SRPK2: variants seen among roughly 807,000 people sequenced by gnomAD.
SRPK2 encodes the protein SRSF protein kinase 2, also known as SFRS protein kinase 2.
Under a neutral mutation model 90.8 loss-of-function variants are expected in SRPK2, and 21 were observed. The ratio of observed to expected loss-of-function variants is 0.23; its 90% CI spans 0.16 to 0.33. SRPK2 has a LOEUF of 0.33. SRPK2 is among the 10% of genes least tolerant of loss of function. The pLI is 1.00. For missense variants in SRPK2, 620 were observed against 869.0 expected (o/e 0.71, Z 3.60); for synonymous variants, 288 against 311.1 (o/e 0.93, Z 0.78).
At chr7:105,317,305 T>C (rs1473926557) in intron 2 of SRPK2, among the ~76,000 whole-genome samples, 1 of 152,224 alleles carries the variant, frequency 6.6e-6, no homozygotes, top group Non-Finnish European at 1.5e-5. Context: ...GCCAGGTTCA[T>C]GTAAGGATGT....
intron 15 of SRPK2, among the ~76,000 whole-genome samples, chr7:105,122,684 C>T (rs780568429): frequency 1.8e-4 from 27 of 152,108 alleles, no homozygotes; most frequent in Non-Finnish European, 2.9e-4. Flanking sequence ...TCAGTTCTCA[C>T]ATTTCTCTTG....
chr7:105,257,399 G>C (rs1459411724), intron 2 of SRPK2, among the ~76,000 whole-genome samples: 1 of 152,192 alleles, frequency 6.6e-6, no homozygotes, highest in Non-Finnish European at 1.5e-5. Flanking sequence ...TGGAGCAGAA[G>C]AGGATCCCAA....
rs1218870915 is a variant in SRPK2 at position 105,198,620 on chromosome 7, G to A, written c.229+5008C>T. Among the ~76,000 whole-genome samples, 5 of 152,242 alleles carry A rather than the reference G, an allele frequency of 3.3e-5. No individual in the cohort carries two copies. In the East Asian group the frequency reaches 7.7e-4, roughly 23 times the overall value. Reference sequence around the variant, plus strand: ...GGGAGTTAAGGGAGCCAGCACTGATGGGTATAGACAGCATGAAGTACAGAT... The same window carrying A: ...GGGAGTTAAGGGAGCCAGCACTGATAGGTATAGACAGCATGAAGTACAGAT... On this transcript the variant is annotated intron_variant, in intron 3 of 15. Transcript: ENST00000393651.
intron 3 of SRPK2, among the ~76,000 whole-genome samples, chr7:105,198,476 C>G (rs761287326): frequency 4.6e-5 from 7 of 152,170 alleles, no homozygotes; most frequent in Non-Finnish European, 1.0e-4. Flanking sequence ...AACTGCACAG[C>G]CTACTGCTAC....
chr7:105,182,059 A>C (rs62488069), intron 3 of SRPK2, among the ~76,000 whole-genome samples: 50 of 150,898 alleles, frequency 3.3e-4, no homozygotes, highest in Non-Finnish European at 5.9e-4. Context: ...TGAAACCCCA[A>C]CTCTACTAAA....
At chr7:105,280,457 ATTTAT>A (rs1017925981) in intron 2 of SRPK2, among the ~76,000 whole-genome samples, 3 of 151,676 alleles carry the variant, frequency 2.0e-5, no homozygotes, top group Non-Finnish European at 4.4e-5. Flanking sequence ...AGATGTTATT[ATTTAT>A]TTTATTATTA....
At chr7:105,343,690 T>G (rs915427642) in intron 2 of SRPK2, among the ~76,000 whole-genome samples, 1 of 152,250 alleles carries the variant, frequency 6.6e-6, no homozygotes, top group Non-Finnish European at 1.5e-5. Context: ...TGTTCAATTA[T>G]GATTACAAAT....
rs966317563 is a variant in SRPK2 at position 105,129,018 on chromosome 7, T to A, written c.1753-1956A>T. Among the ~76,000 whole-genome samples, 8 of 152,284 alleles carry A rather than the reference T, an allele frequency of 5.3e-5. No homozygotes were observed. In the East Asian group the frequency reaches 1.4e-3, roughly 26 times the overall value. ...CGGAGTCTCGCTCTGTCACCCAGGC[T>A]GGAGTGCAGTGGCACAATCAATCTC... On this transcript the variant is annotated intron_variant, in intron 13 of 15. Coordinates refer to ENST00000393651, the MANE Select transcript of SRPK2 (RefSeq NM_182692.3).
intron 3 of SRPK2, among the ~76,000 whole-genome samples, chr7:105,202,892 G>C (rs1795733691): frequency 6.6e-6 from 1 of 152,230 alleles, no homozygotes; most frequent in Admixed American, 6.5e-5. Flanking sequence ...TCAGAAAACA[G>C]AAAGTCAAAT....
chr7:105,247,562 A>ACACACACACACAC (rs370589750), intron 2 of SRPK2, among the ~76,000 whole-genome samples: 3 of 150,786 alleles, frequency 2.0e-5, no homozygotes, highest in Admixed American at 6.6e-5. Context: ...ACACACACAC[A>ACACACACACACAC]GAAGTTATAC....
chr7:105,179,681 C>T lies in SRPK2; in HGVS notation c.230-10416G>A, dbSNP rs570239843. On this transcript the variant is annotated intron_variant, in intron 3 of 15. Coordinates refer to ENST00000393651, the MANE Select transcript of SRPK2 (RefSeq NM_182692.3). ...CTCCACTAAAAATACAAAGATTAGC[C>T]GGGTGTGGTGGCGCATGCCTTTAAT... Among the ~76,000 whole-genome samples, 182 of 151,830 alleles carry T rather than the reference C, an allele frequency of 1.2e-3. 1 individual carries two copies. Among genetic ancestry groups the T allele is most frequent in the Non-Finnish European group, 2.0e-3 (138 of 67,938 alleles).
intron 2 of SRPK2, among the ~76,000 whole-genome samples, chr7:105,296,123 A>T (rs1212224928): frequency 6.6e-6 from 1 of 152,208 alleles, no homozygotes; most frequent in Non-Finnish European, 1.5e-5. Context: ...TACTTTGTGC[A>T]ATCTCACAGC....
intron 2 of SRPK2, among the ~76,000 whole-genome samples, chr7:105,364,667 G>A (rs919083801): frequency 6.6e-6 from 1 of 152,060 alleles, no homozygotes; most frequent in African/African-American, 2.4e-5. Context: ...CTCCCAAAGT[G>A]CTGGGGTTAC....
chr7:105,340,399 CTTTT>C (rs781142110), intron 2 of SRPK2, among the ~76,000 whole-genome samples: 2,751 of 128,246 alleles, frequency 0.021, 37 homozygotes, highest in Middle Eastern at 0.035. Context: ...CTTTTCTCTC[CTTTT>C]TTTTTTTTTT....
intron 2 of SRPK2, among the ~76,000 whole-genome samples, chr7:105,294,487 ATCTT>A (rs1226801584): frequency 6.6e-6 from 1 of 150,946 alleles, no homozygotes; most frequent in Admixed American, 6.6e-5. Flanking sequence ...CTATGCCTGG[ATCTT>A]TCTTTTTTGT....
chr7:105,190,160 C>A (rs566013188), intron 3 of SRPK2, among the ~76,000 whole-genome samples: 1 of 152,286 alleles, frequency 6.6e-6, no homozygotes, highest in East Asian at 1.9e-4. Context: ...CTCCCTCTGG[C>A]GACTTCCAGA....
intron 2 of SRPK2, among the ~76,000 whole-genome samples, chr7:105,339,568 T>A (rs1815503742): frequency 6.6e-6 from 1 of 152,226 alleles, no homozygotes; most frequent in South Asian, 2.1e-4. Context: ...GTGACAATGG[T>A]CAATGGCATC....
chr7:105,250,230 G>A (rs1454736703), intron 2 of SRPK2, among the ~76,000 whole-genome samples: 2 of 152,024 alleles, frequency 1.3e-5, no homozygotes, highest in Non-Finnish European at 1.5e-5. Flanking sequence ...AGCTACTCAG[G>A]AGGCTGAGGC....
At position 105,396,238 on chromosome 7, in the gene SRPK2, A is replaced by T. The variant is rs1822318290; in HGVS notation, n.153+2918T>A. On this transcript the variant is annotated intron_variant and non_coding_transcript_variant, in intron 1 of 3. Coordinates refer to the SRPK2 transcript ENST00000462282. The stretch of plus-strand genomic sequence containing the variant: ...CTAGTAGCTTTTAGAAAGAATGGTA[A>T]GTGGGGCACAGAGGTGCTCACCTGT... 2.0e-5 allele frequency among the ~76,000 whole-genome samples: 3 copies of T among 152,032 alleles called. No individual in the cohort carries two copies. The South Asian group carries it at 6.2e-4, about 32-fold the overall frequency.
Sources: gnomAD v4.1 joint callset for allele counts (sites outside exome capture counted in the v4.1 genomes callset) on GRCh38, gnomAD v4.1.1 for gene constraint, MANE v1.5 for transcripts, NCBI Gene and HGNC (gene_info 2026-07-23, HGNC 2026-07-21) for gene names.